Variants in HOOK3 observed in about 807,000 individuals in gnomAD.
The protein encoded by HOOK3 is protein Hook homolog 3.
HOOK3 carries 24 observed loss-of-function variants against 116.3 expected under a neutral mutation model. The observed-to-expected ratio is 0.21, with a 90% confidence interval of 0.15 to 0.29. HOOK3 has a LOEUF of 0.29. Ranked by LOEUF, HOOK3 falls within the 10% of genes least tolerant of loss-of-function variation. The pLI, the probability that HOOK3 is intolerant of heterozygous loss-of-function variation, is 1.00. For synonymous variants in HOOK3, 275 were observed against 283.0 expected (o/e 0.97, Z 0.28); for missense variants, 632 against 830.2 (o/e 0.76, Z 2.93).
intron 18 of HOOK3, among the ~76,000 whole-genome samples, chr8:43,009,028 T>A (rs1031767385): frequency 6.6e-6 from 1 of 152,086 alleles, no homozygotes; most frequent in Non-Finnish European, 1.5e-5. Flanking sequence ...CCTAGCAATT[T>A]GGCAGGCCAA....
rs566351298 is a variant in HOOK3, at chr8:42,997,101, T to A, written c.1533-449T>A. 7.4e-4 allele frequency among the ~76,000 whole-genome samples: 113 copies of A among 152,054 alleles called. 1 individual carries two copies. The highest frequency in any genetic ancestry group is 2.6e-3 in the African/African-American group (109 of 41,484). On this transcript the variant is annotated intron_variant, in intron 15 of 21. Transcript: ENST00000307602. The stretch of plus-strand genomic sequence containing the variant: ...TTTTCTATTTTTGGTAGAGATGGAG[T>A]TTCACCATGCTGGCCAGGCTGGCCT...
chr8:42,955,689 T>C (rs1013239649), intron 6 of HOOK3, among the ~76,000 whole-genome samples: 2 of 151,950 alleles, frequency 1.3e-5, no homozygotes, highest in African/African-American at 4.8e-5. Flanking sequence ...GGGCTAAGAC[T>C]GAAAGACAAG....
intron 1 of HOOK3, among the ~76,000 whole-genome samples, chr8:42,897,696 C>T (rs997520134): frequency 2.6e-5 from 4 of 152,364 alleles, no homozygotes; most frequent in African/African-American, 9.6e-5. Context: ...GTCGGGCAGA[C>T]GTTTAAAGGA....
Position 43,005,199 on chromosome 8 carries a change from C to CTCTCTA in HOOK3, c.1656-2647_1656-2646insCTCTAT, listed in dbSNP as rs151178560. Among the ~76,000 whole-genome samples the CTCTCTA allele has an allele frequency of 2.9e-3, 279 of 95,256 alleles. 3 individuals are homozygous for CTCTCTA. Among genetic ancestry groups the CTCTCTA allele is most frequent in the Admixed American group, 6.6e-3 (38 of 5,764 alleles). 62.5% of individuals were successfully genotyped at this position (95,256 alleles called of 152,430 possible). On this transcript the variant is annotated intron_variant, in intron 17 of 21. Transcript: ENST00000307602. Reference sequence around the variant, plus strand: ...TTAAGTGCTCTCTCTCTCTCTCTCTCTATATATATATATAATTTTTTTTTT... The same window carrying CTCTCTA: ...TTAAGTGCTCTCTCTCTCTCTCTCTCTCTCTATATATATATATATAATTTTTTTTTT...
chr8:42,976,111 T>A (rs1808823252), intron 13 of HOOK3, among the ~76,000 whole-genome samples: 1 of 151,966 alleles, frequency 6.6e-6, no homozygotes. Flanking sequence ...AAGAGGTGAT[T>A]TAAGTCTAAT....
chr8:42,925,060 T>C (rs1213584699), intron 2 of HOOK3, among the ~76,000 whole-genome samples: 1 of 152,118 alleles, frequency 6.6e-6, no homozygotes, highest in African/African-American at 2.4e-5. Flanking sequence ...TATGGTAGAT[T>C]CTTGACTGTT....
chr8:43,005,904 A>C (rs1250489293), intron 17 of HOOK3, among the ~76,000 whole-genome samples: 1 of 146,724 alleles, frequency 6.8e-6, no homozygotes, highest in East Asian at 2.2e-4. Context: ...ACCATGTTGG[A>C]CAGGCTGGTC....
At chr8:42,983,333 C>CA (rs1307077397) in intron 14 of HOOK3, among the ~76,000 whole-genome samples, 263 of 55,346 alleles carry the variant, frequency 4.8e-3, no homozygotes, top group Middle Eastern at 0.02. Context: ...GACTCTGTCT[C>CA]AAAAAAAAAA....
Position 42,968,225 on chromosome 8 carries a change from C to T in HOOK3, c.1122+11C>T. ...ACCTACAAGAGACAGGTAAAAGAAA[C>T]ACAGCATCTTGATGATGGTTTCAGG... On this transcript the variant is annotated intron_variant, in intron 11 of 21. Coordinates refer to ENST00000307602, the MANE Select transcript of HOOK3 (RefSeq NM_032410.4). The T allele has an allele frequency of 1.3e-6, 2 of 1,598,286 alleles. No homozygotes were observed. The highest frequency in any genetic ancestry group is 1.7e-6 in the Non-Finnish European group (2 of 1,169,018).
intron 15 of HOOK3, among the ~76,000 whole-genome samples, chr8:42,995,170 A>G (rs1196571679): frequency 1.3e-5 from 2 of 152,240 alleles, no homozygotes; most frequent in African/African-American, 2.4e-5. Context: ...TTTCTAAATT[A>G]TAAACCTATA....
chr8:42,941,819 A>G (rs1808133769), intron 4 of HOOK3, among the ~76,000 whole-genome samples: 1 of 152,054 alleles, frequency 6.6e-6, no homozygotes, highest in Non-Finnish European at 1.5e-5. Flanking sequence ...TTTGGAGTTT[A>G]TCAAGTGCAC....
At chr8:42,931,978 C>T (rs1228605937) in intron 4 of HOOK3, among the ~76,000 whole-genome samples, 1 of 152,074 alleles carries the variant, frequency 6.6e-6, no homozygotes, top group Non-Finnish European at 1.5e-5. Flanking sequence ...TGGTCTCAAA[C>T]TCCTGACCTT....
At chr8:42,991,528 G>A (rs1462006851) in intron 15 of HOOK3, among the ~76,000 whole-genome samples, 1 of 151,268 alleles carries the variant, frequency 6.6e-6, no homozygotes, top group African/African-American at 2.4e-5. Context: ...TCAGCCTTCT[G>A]AGTAGCTGGG....
rs937707136 is a variant in HOOK3, at chr8:42,997,615, A to T, written c.1598A>T (p.Asp533Val). The change falls in exon 16 of 22, where the codon GAT (aspartate) becomes GTT (valine). Residue 533 changes from aspartate (D) to valine (V), a missense_variant. By Grantham distance (152) the Asp-to-Val change is radical. Transcript: ENST00000307602. ...QVEELQKSLQDQGSKAEDSVL... is the reference protein window; with the variant it reads ...QVEELQKSLQVQGSKAEDSVL... Reference sequence around the variant, plus strand: ...GAAGAATTACAAAAATCTTTACAGGATCAAGGCTCAAAAGCAGAAGATGTA... The same window carrying T: ...GAAGAATTACAAAAATCTTTACAGGTTCAAGGCTCAAAAGCAGAAGATGTA... The T allele has an allele frequency of 2.9e-5, 46 of 1,604,914 alleles. No homozygotes were observed. The highest frequency in any genetic ancestry group is 3.8e-5 in the Non-Finnish European group (44 of 1,172,014).
intron 17 of HOOK3, 74 bp downstream of exon 17, chr8:43,002,215 T>C: frequency 8.9e-7 from 1 of 1,124,362 alleles, no homozygotes; most frequent in Non-Finnish European, 1.3e-6. Context: ...AGTTACGGTG[T>C]GTCTGGGCGT....
At chr8:42,996,385 C>CAAAAAAA (rs529268164) in intron 15 of HOOK3, among the ~76,000 whole-genome samples, 9 of 55,800 alleles carry the variant, frequency 1.6e-4, no homozygotes, top group Non-Finnish European at 2.3e-4. Flanking sequence ...GACTCCGTCT[C>CAAAAAAA]AAAAAAAAAA....
chr8:42,915,844 A>G (rs1048723829), intron 2 of HOOK3, among the ~76,000 whole-genome samples: 1 of 152,232 alleles, frequency 6.6e-6, no homozygotes, highest in Non-Finnish European at 1.5e-5. Flanking sequence ...TTTGGCTTCC[A>G]GGATACTGAA....
intron 6 of HOOK3, among the ~76,000 whole-genome samples, chr8:42,955,204 T>A (rs1220677938): frequency 1.3e-5 from 2 of 152,200 alleles, no homozygotes; most frequent in African/African-American, 4.8e-5. Flanking sequence ...GTTCTTTTTT[T>A]ACAACCAAAC....
At chr8:42,904,837 T>G (rs1460266237) in intron 1 of HOOK3, among the ~76,000 whole-genome samples, 2 of 152,172 alleles carry the variant, frequency 1.3e-5, no homozygotes, top group African/African-American at 2.4e-5. Flanking sequence ...ATACCTAAAT[T>G]GCATCCCACT....
Sources: allele counts gnomAD v4.1 joint callset (sites outside exome capture counted in the v4.1 genomes callset), GRCh38; gene constraint gnomAD v4.1.1; transcripts MANE v1.5; gene names NCBI Gene and HGNC (gene_info 2026-07-23, HGNC 2026-07-21).